PARP8: variants seen among roughly 807,000 people sequenced by gnomAD.
The protein encoded by PARP8 is protein mono-ADP-ribosyltransferase PARP8.
A neutral mutation model predicts 124.1 loss-of-function variants in PARP8; 51 were observed. The ratio of observed to expected loss-of-function variants is 0.41; its 90% CI spans 0.33 to 0.52. The LOEUF is 0.52. PARP8 is among the 20% of genes least tolerant of loss of function. PARP8 has a pLI of 0.21. For missense variants in PARP8, 860 were observed against 1,018.9 expected (o/e 0.84, Z 2.12); for synonymous variants, 391 against 361.5 (o/e 1.08, Z -0.93).
chr5:50,729,530 C>A (rs1412659951), intron 2 of PARP8, among the ~76,000 whole-genome samples: 1 of 152,102 alleles, frequency 6.6e-6, no homozygotes, highest in Non-Finnish European at 1.5e-5. Context: ...AATATTCTTG[C>A]GTGTAAAATA....
At chr5:50,700,110 A>T (rs1191776384) in intron 2 of PARP8, among the ~76,000 whole-genome samples, 3 of 152,160 alleles carry the variant, frequency 2.0e-5, no homozygotes, top group Admixed American at 6.6e-5. Context: ...TCAAGAAAAT[A>T]GTGGGATTTA....
intron 2 of PARP8, among the ~76,000 whole-genome samples, chr5:50,749,123 A>T (rs1162987724): frequency 1.3e-5 from 2 of 152,152 alleles, no homozygotes; most frequent in African/African-American, 4.8e-5. Flanking sequence ...TTTTCTCTTG[A>T]AAATAGGTTA....
chr5:50,764,093 C>A (rs1056165680), intron 7 of PARP8, among the ~76,000 whole-genome samples: 2 of 152,222 alleles, frequency 1.3e-5, no homozygotes, highest in African/African-American at 4.8e-5. Context: ...CTCTCTGAGC[C>A]TTCTTGGAAT....
rs1464845228 is a variant in PARP8 at position 50,754,168 on chromosome 5, CACACACACACACAT to C, written c.184+3982_184+3995del. ...ATATATATACACACACACACACACA[CACACACACACACAT>C]ATATATATATTTTATTATACTTTAA... On this transcript the variant is annotated intron_variant, in intron 3 of 25. Transcript: ENST00000281631. Among the ~76,000 whole-genome samples, 229 of 86,806 alleles carry C rather than the reference CACACACACACACAT, an allele frequency of 2.6e-3. 6 individuals are homozygous for C. The highest frequency in any genetic ancestry group is 6.6e-3 in the Admixed American group (60 of 9,110). 56.9% of individuals were successfully genotyped at this position (86,806 alleles called of 152,430 possible).
intron 15 of PARP8, among the ~76,000 whole-genome samples, chr5:50,818,707 C>A (rs1745406746): frequency 6.8e-6 from 1 of 148,136 alleles, no homozygotes; most frequent in Admixed American, 7.0e-5. Flanking sequence ...ATGTTTTAGT[C>A]CATGAGATAC....
intron 14 of PARP8, among the ~76,000 whole-genome samples, chr5:50,809,782 C>T (rs1480730006): frequency 6.6e-6 from 1 of 151,856 alleles, no homozygotes; most frequent in African/African-American, 2.4e-5. Context: ...ATTTGAAAAC[C>T]ACTCATCTAC....
rs1760578383 is a variant in PARP8, at chr5:50,761,880, A to C, written c.405A>C (p.Glu135Asp). The change falls in exon 6 of 26, where the codon GAA becomes GAC. Residue 135 changes from glutamate to aspartate, a missense_variant. Around this residue, in one of 2 missense-constraint regions of PARP8, gnomAD observed 517 missense variants for 544.2 expected, o/e 0.95. Coordinates refer to ENST00000281631, the MANE Select transcript of PARP8 (RefSeq NM_024615.4). ...CTGAAGGTGACAATGATTCCGAAGA[A>C]TTTTATTACGGAGGGCAGGTAAGGA... ...EDSEGDNDSE[E>D]FYYGGQVNYD... 1 of 1,602,448 alleles carries C rather than the reference A, an allele frequency of 6.2e-7. No homozygotes were observed. Among genetic ancestry groups the C allele is most frequent in the Admixed American group, 1.7e-5 (1 of 59,108 alleles).
At chr5:50,676,852 T>A (rs1750696835) in intron 2 of PARP8, among the ~76,000 whole-genome samples, 1 of 152,084 alleles carries the variant, frequency 6.6e-6, no homozygotes, top group East Asian at 1.9e-4. Context: ...AAACCCCTTT[T>A]TTAAGGCAAT....
At chr5:50,756,298 G>A (rs2149567597) in intron 3 of PARP8, among the ~76,000 whole-genome samples, 1 of 152,178 alleles carries the variant, frequency 6.6e-6, no homozygotes, top group South Asian at 2.1e-4. Flanking sequence ...TGTCCAGTCA[G>A]TATGATATTG....
chr5:50,763,482 T>G (rs1561345625), intron 7 of PARP8, among the ~76,000 whole-genome samples: 1 of 152,170 alleles, frequency 6.6e-6, no homozygotes, highest in East Asian at 1.9e-4. Context: ...TGAAGACATA[T>G]CAATCTTAAG....
intron 2 of PARP8, among the ~76,000 whole-genome samples, chr5:50,697,301 A>G (rs541197339): frequency 1.1e-4 from 17 of 152,298 alleles, no homozygotes; most frequent in African/African-American, 4.1e-4. Context: ...ACAAGTTCAT[A>G]TCCTTCGGAA....
At chr5:50,703,060 G>A (rs1280997305) in intron 2 of PARP8, among the ~76,000 whole-genome samples, 1 of 152,116 alleles carries the variant, frequency 6.6e-6, no homozygotes, top group African/African-American at 2.4e-5. Flanking sequence ...CAGCACTTTG[G>A]GAGGCTGAGG....
In PARP8 at chr5:50,741,816, T is replaced by A. The variant is rs1758069356; in HGVS notation, c.147-8335T>A. 2 of 323,046 alleles carry A rather than the reference T, an allele frequency of 6.2e-6. 1 individual carries two copies. Among genetic ancestry groups the A allele is most frequent in the African/African-American group, 6.1e-5 (2 of 32,558 alleles). The allele number at this position is 323,046 out of a possible 1,614,324, so 20.0% of individuals were successfully genotyped here. Reference sequence around the variant, plus strand: ...GATGTGTTTTCTTTTCTTTTCTTCTTTTTTTTTTTTTTAGGTAGAATTTCA... The same window carrying A: ...GATGTGTTTTCTTTTCTTTTCTTCTATTTTTTTTTTTTAGGTAGAATTTCA... On this transcript the variant is annotated intron_variant, in intron 2 of 25. Transcript: ENST00000281631.
chr5:50,746,792 T>A (rs1384061879), intron 2 of PARP8, among the ~76,000 whole-genome samples: 1 of 152,158 alleles, frequency 6.6e-6, no homozygotes, highest in African/African-American at 2.4e-5. Flanking sequence ...TTTAGAAGGC[T>A]GAGGCAGGAA....
At chr5:50,729,682 C>A (rs1350738942) in intron 2 of PARP8, among the ~76,000 whole-genome samples, 1 of 152,156 alleles carries the variant, frequency 6.6e-6, no homozygotes, top group Admixed American at 6.5e-5. Context: ...CCTCAGGCAT[C>A]TTCCATCCAT....
At chr5:50,831,250 AG>A (rs1746938293) in intron 22 of PARP8, among the ~76,000 whole-genome samples, 1 of 152,198 alleles carries the variant, frequency 6.6e-6, no homozygotes, top group Non-Finnish European at 1.5e-5. Flanking sequence ...CCTTAACCTT[AG>A]GGCAAAATAA....
intron 2 of PARP8, among the ~76,000 whole-genome samples, chr5:50,739,728 ATATATT>A (rs1248708151): frequency 1.7e-3 from 102 of 59,276 alleles, no homozygotes; most frequent in African/African-American, 4.9e-3. Context: ...ATATATATAT[ATATATT>A]TTTTTTTTTT....
At chr5:50,782,442 G>T (rs917339642) in intron 9 of PARP8, among the ~76,000 whole-genome samples, 3 of 152,112 alleles carry the variant, frequency 2.0e-5, no homozygotes, top group African/African-American at 7.2e-5. Flanking sequence ...TTGAAAATGT[G>T]CAGTAATGTA....
chr5:50,667,829 G>T, intron 1 of PARP8: 1 of 1,228,366 alleles, frequency 8.1e-7, no homozygotes, highest in South Asian at 1.3e-5. Context: ...TCCCCTATCG[G>T]GAAATTCCCG....
Sources: allele counts gnomAD v4.1 joint callset (sites outside exome capture counted in the v4.1 genomes callset), GRCh38; gene constraint gnomAD v4.1.1; regional missense constraint gnomAD v4.1.1; transcripts MANE v1.5; gene names NCBI Gene and HGNC (gene_info 2026-07-23, HGNC 2026-07-21).